ATP11B: variants seen among roughly 807,000 people sequenced by gnomAD.
ATP11B encodes the protein ATPase phospholipid transporting 11B (putative), also known as phospholipid-transporting ATPase IF.
Under a neutral mutation model 157.8 loss-of-function variants are expected in ATP11B, and 81 were observed. That is an observed-to-expected ratio of 0.51 (90% CI 0.43 to 0.62). ATP11B has a LOEUF of 0.62. ATP11B is among the 20% of genes least tolerant of loss of function. The pLI is 0.00. For missense variants in ATP11B, 1,165 were observed against 1,402.2 expected, an observed-to-expected ratio of 0.83 and a Z score of 2.70; for synonymous variants, 451 against 469.4, an observed-to-expected ratio of 0.96 and a Z score of 0.51.
chr3:182,906,214 A>G (rs1384702983), intron 28 of ATP11B, among the ~76,000 whole-genome samples: 2 of 151,994 alleles, frequency 1.3e-5, no homozygotes, highest in African/African-American at 4.8e-5. Flanking sequence ...TCAAGAAAAT[A>G]CTCCTTTTTA....
At chr3:182,905,735 C>T in intron 28 of ATP11B, 3 of 456,374 alleles carry the variant, frequency 6.6e-6, no homozygotes, top group South Asian at 4.6e-5. Context: ...TCTTAAACCT[C>T]TATATGGTGA....
At chr3:182,878,304 A>G (rs1722186718) in intron 19 of ATP11B, among the ~76,000 whole-genome samples, 1 of 152,210 alleles carries the variant, frequency 6.6e-6, no homozygotes, top group Non-Finnish European at 1.5e-5. Context: ...TGCTCATTTA[A>G]TAGTCTTCTC....
At chr3:182,841,747 G>A (rs1256117021) in intron 7 of ATP11B, among the ~76,000 whole-genome samples, 1 of 151,970 alleles carries the variant, frequency 6.6e-6, no homozygotes, top group Non-Finnish European at 1.5e-5. Flanking sequence ...GGGAGACCGA[G>A]GTGGGCGGAT....
At position 182,896,775 on chromosome 3, in the gene ATP11B, T is replaced by A; in HGVS notation, c.3048+10T>A. The A allele has an allele frequency of 6.2e-7, 1 of 1,607,886 alleles. No homozygotes were observed. Among genetic ancestry groups the A allele is most frequent in the Non-Finnish European group, 8.5e-7 (1 of 1,175,372 alleles). On this transcript the variant is annotated intron_variant, in intron 26 of 29. Coordinates refer to ENST00000323116, the MANE Select transcript of ATP11B (RefSeq NM_014616.3). ...TACAGTCACAGTAAAGGTATGGTAC[T>A]GAAATTAGAAATGTGGACACATTTT... is the stretch of plus-strand genomic sequence containing the variant.
At chr3:182,807,473 G>C (rs1716395242) in intron 1 of ATP11B, among the ~76,000 whole-genome samples, 1 of 152,136 alleles carries the variant, frequency 6.6e-6, no homozygotes, top group African/African-American at 2.4e-5. Context: ...TAGTGTAAAT[G>C]GCAATGTGTA....
At chr3:182,897,433 G>T in intron 27 of ATP11B, 27 bp downstream of exon 27, 2 of 1,405,314 alleles carry the variant, frequency 1.4e-6, no homozygotes, top group South Asian at 1.3e-5. Context: ...TATTTTAATT[G>T]GATTGCTTCA....
intron 28 of ATP11B, among the ~76,000 whole-genome samples, chr3:182,909,513 A>G (rs1468248121): frequency 6.6e-6 from 1 of 151,938 alleles, no homozygotes; most frequent in Non-Finnish European, 1.5e-5. Context: ...ACATGTAATG[A>G]TTTCCCCCAA....
chr3:182,809,487 G>A (rs1024621503), intron 1 of ATP11B, among the ~76,000 whole-genome samples: 1 of 152,142 alleles, frequency 6.6e-6, no homozygotes, highest in Non-Finnish European at 1.5e-5. Context: ...GGCCTCAAGC[G>A]ATCTGCCTGC....
chr3:182,845,567 G>A (rs759288667), intron 9 of ATP11B, 45 bp downstream of exon 9: 1 of 1,292,302 alleles, frequency 7.7e-7, no homozygotes, highest in South Asian at 1.4e-5. Context: ...TTGTGTTGAT[G>A]CTTTATATGA....
At position 182,918,817 on chromosome 3, in the gene ATP11B, C is replaced by G. The variant is rs182027827; in HGVS notation, c.*713C>G. 47 of 154,468 alleles carry G rather than the reference C, an allele frequency of 3.0e-4. No individual in the cohort carries two copies. The highest frequency in any genetic ancestry group is 5.0e-4 in the Non-Finnish European group (35 of 69,616). 9.6% of individuals were successfully genotyped at this position (154,468 alleles called of 1,614,324 possible). A position where few individuals can be genotyped will look rare whatever the true frequency, so the allele number is the denominator to read the frequency against. ...CAAATCAGGAATCAGGTCCGTTCAC[C>G]GAACTTCAAATTGATGTTTACTAAT... is the stretch of plus-strand genomic sequence containing the variant. On this transcript the variant is annotated 3_prime_UTR_variant, in exon 30 of 30. Coordinates refer to ENST00000323116, the MANE Select transcript of ATP11B (RefSeq NM_014616.3).
chr3:182,812,947 T>C (rs1182441934), intron 1 of ATP11B, among the ~76,000 whole-genome samples: 3 of 152,224 alleles, frequency 2.0e-5, no homozygotes, highest in Non-Finnish European at 4.4e-5. Context: ...TTATTCCTTA[T>C]ATAAGAGGAA....
intron 15 of ATP11B, among the ~76,000 whole-genome samples, chr3:182,868,131 A>G (rs1206601540): frequency 1.3e-5 from 2 of 151,768 alleles, no homozygotes; most frequent in Non-Finnish European, 2.9e-5. Flanking sequence ...CTGGGTAGTG[A>G]GTTTTATAGG....
Position 182,898,649 on chromosome 3 carries a change from G to C in ATP11B, c.3195G>C (p.Gln1065His). 1.9e-6 allele frequency: 3 copies of C among 1,607,162 alleles called. No individual in the cohort carries two copies. The highest frequency in any genetic ancestry group is 1.7e-6 in the Non-Finnish European group (2 of 1,176,792). The part of the protein sequence containing the change: ...GSQNMYFVFI[Q>H]LLSSGSAWFA... The stretch of plus-strand genomic sequence containing the variant: ...AGAATATGTATTTTGTGTTTATTCA[G>C]CTCCTGTCAAGTGGTTCTGCTTGGT... Residue 1065 changes from glutamine (Q) to histidine (H), a missense_variant, in exon 28 of 30, where the codon CAG (glutamine) becomes CAC (histidine). Around this residue, in one of 4 missense-constraint regions of ATP11B, gnomAD observed 303 missense variants for 296.3 expected, o/e 1.02. Coordinates refer to ENST00000323116, the MANE Select transcript of ATP11B (RefSeq NM_014616.3).
intron 2 of ATP11B, among the ~76,000 whole-genome samples, chr3:182,823,809 A>G (rs1330643657): frequency 6.6e-6 from 1 of 152,110 alleles, no homozygotes; most frequent in Non-Finnish European, 1.5e-5. Flanking sequence ...GCAAGAAATA[A>G]AAGCTCTTGA....
At chr3:182,848,413 ATTTAT>A in intron 9 of ATP11B, 58 bp from the exon 10 acceptor site, 1 of 979,264 alleles carries the variant, frequency 1.0e-6, no homozygotes, top group African/African-American at 1.7e-5. Flanking sequence ...TGGTAAATAT[ATTTAT>A]TTCTTGTGAA....
Position 182,830,322 on chromosome 3 carries a change from C to CAA in ATP11B, c.315+586_315+587dup, listed in dbSNP as rs5854958. On this transcript the variant is annotated intron_variant, in intron 4 of 29. Transcript: ENST00000323116. ...TGGTTGACAGAGTGAGATCCTGTCT[C>CAA]AAAAAAAAAAAAAAAAATGTATAGT... Among the ~76,000 whole-genome samples, 621 of 99,210 alleles carry CAA rather than the reference C, an allele frequency of 6.3e-3. 6 individuals are homozygous for CAA. Among genetic ancestry groups the CAA allele is most frequent in the African/African-American group, 0.018 (558 of 30,220 alleles). 65.1% of individuals were successfully genotyped at this position (99,210 alleles called of 152,430 possible).
intron 21 of ATP11B, among the ~76,000 whole-genome samples, chr3:182,883,362 A>C (rs1722561893): frequency 6.6e-6 from 1 of 151,450 alleles, no homozygotes; most frequent in African/African-American, 2.4e-5. Context: ...GGTTCAAGCG[A>C]TTCTCCTACC....
chr3:182,860,079 T>C (rs1720719758), intron 12 of ATP11B, among the ~76,000 whole-genome samples: 1 of 152,094 alleles, frequency 6.6e-6, no homozygotes, highest in South Asian at 2.1e-4. Flanking sequence ...ACCCTGGAAA[T>C]TCCTTTGCCT....
intron 10 of ATP11B, among the ~76,000 whole-genome samples, chr3:182,849,702 A>G (rs1171965009): frequency 6.6e-6 from 1 of 152,220 alleles, no homozygotes; most frequent in African/African-American, 2.4e-5. Context: ...TACTCAGTCG[A>G]AGAATGGAGA....
Sources: allele counts gnomAD v4.1 joint callset (sites outside exome capture counted in the v4.1 genomes callset), GRCh38; gene constraint gnomAD v4.1.1; regional missense constraint gnomAD v4.1.1; transcripts MANE v1.5; gene names NCBI Gene and HGNC (gene_info 2026-07-23, HGNC 2026-07-21).